Variants in SFXN5 observed in about 807,000 individuals in gnomAD.
The protein encoded by SFXN5 is sideroflexin-5.
Under a neutral mutation model 50.2 loss-of-function variants are expected in SFXN5, and 43 were observed. That is an observed-to-expected ratio of 0.86 (90% CI 0.67 to 1.11). SFXN5 has a LOEUF of 1.11. Ranked by LOEUF, SFXN5 falls within the 50% of genes least tolerant of loss-of-function variation. The pLI is 0.00. For missense variants in SFXN5, 463 were observed against 454.1 expected, an observed-to-expected ratio of 1.02 and a Z score of -0.18; for synonymous variants, 203 against 185.8, an observed-to-expected ratio of 1.09 and a Z score of -0.75.
At chr2:73,021,585 T>C (rs1190646157) in intron 5 of SFXN5, among the ~76,000 whole-genome samples, 2 of 152,174 alleles carry the variant, frequency 1.3e-5, no homozygotes, top group Admixed American at 1.3e-4. Context: ...TGACATCACA[T>C]GTCCATCAAC....
chr2:73,017,910 T>C (rs766390402), intron 6 of SFXN5, among the ~76,000 whole-genome samples: 1 of 152,068 alleles, frequency 6.6e-6, no homozygotes, highest in Admixed American at 6.6e-5. Flanking sequence ...TATTCTAGGA[T>C]GGGGGTGAAG....
chr2:72,948,825 A>C (rs1030101071), intron 13 of SFXN5, among the ~76,000 whole-genome samples: 2 of 152,212 alleles, frequency 1.3e-5, no homozygotes, highest in Admixed American at 1.3e-4. Context: ...TCCTCTCTCA[A>C]GTCAATCCAC....
rs1392269387 is a variant in SFXN5 at position 72,944,439 on chromosome 2, C to T, written c.*583G>A. The T allele has an allele frequency of 6.5e-6, 1 of 152,680 alleles. No individual in the cohort carries two copies. Among genetic ancestry groups the T allele is most frequent in the East Asian group, 1.9e-4 (1 of 5,192 alleles). The allele number at this position is 152,680 out of a possible 1,614,324, so 9.5% of individuals were successfully genotyped here. ...CAGTGCTCCCTGATTCCCTGGGCCA[C>T]TGCCTGAGGACCCTAGTCATGGCTA... is the stretch of plus-strand genomic sequence containing the variant. On this transcript the variant is annotated 3_prime_UTR_variant, in exon 14 of 14. Coordinates refer to ENST00000272433, the MANE Select transcript of SFXN5 (RefSeq NM_144579.3).
At chr2:72,993,303 C>T (rs1307975965) in intron 9 of SFXN5, among the ~76,000 whole-genome samples, 1 of 152,158 alleles carries the variant, frequency 6.6e-6, no homozygotes, top group East Asian at 1.9e-4. Flanking sequence ...CAAGTGGACC[C>T]AAGACCCTCC....
intron 13 of SFXN5, among the ~76,000 whole-genome samples, chr2:72,954,508 A>G (rs1053494716): frequency 1.3e-5 from 2 of 152,134 alleles, no homozygotes; most frequent in African/African-American, 4.8e-5. Context: ...TCCTGCCCCC[A>G]GGGGCCCCTG....
Position 72,998,877 on chromosome 2 carries a change from T to G in SFXN5, c.534+72A>C, listed in dbSNP as rs994013752. 5.4e-5 allele frequency: 83 copies of G among 1,527,396 alleles called. No individual in the cohort carries two copies. In the African/African-American group the frequency reaches 1.1e-3, roughly 20 times the overall value. The allele number at this position is 1,527,396 out of a possible 1,614,324, so 94.6% of individuals were successfully genotyped here. A position where few individuals can be genotyped will look rare whatever the true frequency, so the allele number is the denominator to read the frequency against. On this transcript the variant is annotated intron_variant, in intron 9 of 13. Coordinates refer to ENST00000272433, the MANE Select transcript of SFXN5 (RefSeq NM_144579.3). ...GCCTGGCCTGGCCCTCAGACAAGCA[T>G]CCACCTGCAATGCTGAGCGGGGTGG...
intron 6 of SFXN5, chr2:73,019,887 C>A: frequency 5.0e-6 from 1 of 198,322 alleles, no homozygotes; most frequent in Non-Finnish European, 1.0e-5. Context: ...TAATTTTAAA[C>A]TTTGATTTTT....
intron 6 of SFXN5, among the ~76,000 whole-genome samples, chr2:73,005,347 G>C (rs1038945646): frequency 2.0e-5 from 3 of 152,146 alleles, no homozygotes; most frequent in Non-Finnish European, 4.4e-5. Context: ...TTCATTTTGG[G>C]TGTCCTACCA....
chr2:72,955,287 G>A (rs989863387), intron 13 of SFXN5, among the ~76,000 whole-genome samples: 22 of 152,062 alleles, frequency 1.4e-4, no homozygotes, highest in African/African-American at 4.1e-4. Flanking sequence ...CCCGCCCGCC[G>A]CCCGCCCGTT....
intron 1 of SFXN5, among the ~76,000 whole-genome samples, chr2:73,065,450 G>A (rs1417113335): frequency 6.6e-6 from 1 of 152,012 alleles, no homozygotes; most frequent in Non-Finnish European, 1.5e-5. Flanking sequence ...GCCCAGGCTG[G>A]AGTGCAATGG....
intron 2 of SFXN5, among the ~76,000 whole-genome samples, chr2:73,053,150 G>T (rs1681610225): frequency 1.3e-5 from 2 of 151,430 alleles, no homozygotes; most frequent in Admixed American, 1.3e-4. Flanking sequence ...CTCCAGCCTG[G>T]GCAACAGAGT....
intron 7 of SFXN5, 66 bp from the exon 8 acceptor site, chr2:73,000,553 C>T: frequency 6.8e-7 from 1 of 1,468,022 alleles, no homozygotes; most frequent in Non-Finnish European, 9.3e-7. Flanking sequence ...AGGCCTGGAC[C>T]CCAGGAGGCC....
At chr2:73,009,244 C>T (rs1389907894) in intron 6 of SFXN5, among the ~76,000 whole-genome samples, 1 of 152,254 alleles carries the variant, frequency 6.6e-6, no homozygotes, top group African/African-American at 2.4e-5. Flanking sequence ...CCCCTTCAGA[C>T]CAGGCATTTG....
rs202192700 is a variant in SFXN5 at position 72,999,026 on chromosome 2, A to C, written c.469-12T>G. 148 of 1,613,954 alleles carry C rather than the reference A, an allele frequency of 9.2e-5. No homozygotes were observed. The highest frequency in any genetic ancestry group is 1.1e-4 in the Non-Finnish European group (135 of 1,180,010). The stretch of plus-strand genomic sequence containing the variant: ...GATGCAGGTGAAGGCTGGAAAACAG[A>C]GGCAGAATTTCAGGCCTGCTGGGTG... On this transcript the variant is annotated splice_polypyrimidine_tract_variant and intron_variant, in intron 8 of 13. Coordinates refer to ENST00000272433, the MANE Select transcript of SFXN5 (RefSeq NM_144579.3).
intron 10 of SFXN5, among the ~76,000 whole-genome samples, chr2:72,983,238 C>G (rs559426425): frequency 2.1e-4 from 32 of 152,324 alleles, no homozygotes; most frequent in African/African-American, 7.7e-4. Flanking sequence ...CGTCAGGGAA[C>G]AGGTTTGCCA....
At chr2:72,988,560 T>A (rs563657224) in intron 9 of SFXN5, among the ~76,000 whole-genome samples, 2 of 151,884 alleles carry the variant, frequency 1.3e-5, no homozygotes, top group African/African-American at 4.8e-5. Flanking sequence ...CCCAGGTAAC[T>A]GGCCCATGAG....
In SFXN5 at chr2:72,987,360, G is replaced by A. The variant is rs560628728; in HGVS notation, c.625+898C>T. Among the ~76,000 whole-genome samples, 24 of 151,784 alleles carry A rather than the reference G, an allele frequency of 1.6e-4. No homozygotes were observed. The South Asian group carries it at 3.5e-3, about 22-fold the overall frequency. On this transcript the variant is annotated intron_variant, in intron 10 of 13. Transcript: ENST00000272433. ...CCTGACCTCATGATCCGCCTACCTC[G>A]GCCTCCCAAAGTGCTGGGATTACAG...
chr2:73,026,561 A>G (rs1029276603), intron 3 of SFXN5, among the ~76,000 whole-genome samples: 14 of 152,172 alleles, frequency 9.2e-5, no homozygotes, highest in Non-Finnish European at 1.9e-4. Context: ...TGGCTGTCCT[A>G]AAGTAATAGT....
chr2:72,965,983 G>A (rs1674352485), intron 12 of SFXN5, among the ~76,000 whole-genome samples: 1 of 152,174 alleles, frequency 6.6e-6, no homozygotes, highest in Non-Finnish European at 1.5e-5. Flanking sequence ...GACAGCCTGG[G>A]CTCATGTTCC....
Sources: gnomAD v4.1 joint callset for allele counts (sites outside exome capture counted in the v4.1 genomes callset) on GRCh38, gnomAD v4.1.1 for gene constraint, MANE v1.5 for transcripts, NCBI Gene and HGNC (gene_info 2026-07-23, HGNC 2026-07-21) for gene names.